UBAP1L: variants seen among roughly 807,000 people sequenced by gnomAD.
UBAP1L encodes ubiquitin-associated protein 1-like.
UBAP1L carries 32 observed loss-of-function variants against 32.1 expected under a neutral mutation model. The observed-to-expected ratio is 1.00, with a 90% CI of 0.75 to 1.34. The LOEUF (loss-of-function observed/expected upper bound fraction) is 1.34. Ranked by LOEUF, UBAP1L falls within the 40% of genes most tolerant of loss-of-function variation. The pLI, the probability that UBAP1L is intolerant of heterozygous loss-of-function variation, is 0.00. For synonymous variants in UBAP1L, 243 were observed against 250.2 expected (o/e 0.97, Z 0.27); for missense variants, 516 against 540.5 (o/e 0.95, Z 0.45).
intron 3 of UBAP1L, chr15:65,100,338 A>G (rs1311295917): frequency 1.3e-5 from 2 of 152,272 alleles, no homozygotes; most frequent in Admixed American, 1.3e-4. Flanking sequence ...AGACATTGAA[A>G]TCAAGGTTCA....
At chr15:65,105,933 G>T in intron 2 of UBAP1L, 163 bp downstream of exon 2, 1 of 954,082 alleles carries the variant, frequency 1.0e-6, no homozygotes, top group Non-Finnish European at 1.6e-6. Context: ...TGGGATTACA[G>T]GCACGCGTCA....
Position 65,115,176 on chromosome 15 carries a change from G to A in UBAP1L, c.-200C>T, listed in dbSNP as rs1345971538. On this transcript the variant is annotated 5_prime_UTR_variant, in exon 1 of 6. Transcript: ENST00000559089. ...TTGTAATTACCAGGAGAACTTCCCT[G>A]CAGACAAAGCGTGTATAAATGAATA... is the stretch of plus-strand genomic sequence containing the variant. 1 of 152,182 alleles carries A rather than the reference G, an allele frequency of 6.6e-6. No individual in the cohort carries two copies. The highest frequency in any genetic ancestry group is 1.5e-5 in the Non-Finnish European group (1 of 68,026). The allele number at this position is 152,182 out of a possible 1,614,324, so 9.4% of individuals were successfully genotyped here.
rs1369289084 is a variant in UBAP1L, at chr15:65,094,182, A to G, written c.1011+293T>C. Among the ~76,000 whole-genome samples the G allele has an allele frequency of 6.6e-6, 1 of 152,178 alleles. No homozygotes were observed. The highest frequency in any genetic ancestry group is 1.5e-5 in the Non-Finnish European group (1 of 68,024). On this transcript the variant is annotated intron_variant, in intron 5 of 5. Transcript: ENST00000559089. The surrounding 1 kb of genome is among the most constrained non-coding windows in gnomAD (Gnocchi z 4.2). ...AGTGTCCGACAAAGAGTGGCCATTC[A>G]GTCACAGAGGCTGTGTTGATTAAGT...
intron 2 of UBAP1L, chr15:65,105,883 T>C (rs890951956): frequency 2.8e-6 from 2 of 717,874 alleles, no homozygotes; most frequent in Admixed American, 4.3e-5. Flanking sequence ...CTCCACCTCC[T>C]GGATTCAAAC....
chr15:65,114,904 T>C (rs984713503), intron 1 of UBAP1L, among the ~76,000 whole-genome samples: 3 of 152,196 alleles, frequency 2.0e-5, no homozygotes, highest in African/African-American at 7.2e-5. Context: ...TGTGGCCAGA[T>C]ACAGGAAGCC....
intron 1 of UBAP1L, among the ~76,000 whole-genome samples, chr15:65,110,384 C>A (rs561007632): frequency 6.1e-5 from 8 of 130,792 alleles, no homozygotes; most frequent in South Asian, 5.0e-4. Flanking sequence ...ACAAAACAAA[C>A]AAAAAAAACT....
At chr15:65,109,827 C>T (rs1028981241) in intron 1 of UBAP1L, among the ~76,000 whole-genome samples, 2 of 152,154 alleles carry the variant, frequency 1.3e-5, no homozygotes, top group South Asian at 4.1e-4. Flanking sequence ...CAATATCAAG[C>T]GATGATGAGG....
At chr15:65,093,542 C>A (rs1190900677) in intron 5 of UBAP1L, among the ~76,000 whole-genome samples, 1 of 152,220 alleles carries the variant, frequency 6.6e-6, no homozygotes, top group Non-Finnish European at 1.5e-5. Context: ...GACCGTACAC[C>A]TGCACCTGGA....
intron 1 of UBAP1L, 101 bp from the exon 2 acceptor site, chr15:65,106,489 C>A: frequency 3.1e-6 from 1 of 320,734 alleles, no homozygotes; most frequent in African/African-American, 2.1e-5. Context: ...TTTTCCAAAA[C>A]ATGGTCCACA....
chr15:65,102,206 G>T lies in UBAP1L; in HGVS notation c.599C>A (p.Pro200Gln). Residue 200 changes from proline to glutamine, a missense_variant, in exon 3 of 6, where the codon CCG becomes CAG. By Grantham distance (76) the Pro-to-Gln change is moderately conservative (BLOSUM62 -1). Transcript: ENST00000559089. The surrounding 1 kb of genome is among the most constrained non-coding windows in gnomAD (Gnocchi z 5.0). Reference sequence around the variant, plus strand: ...GGCGGGGTGCTGGGGCGCGGGCCCCGGGGGTGATGCAGACCTGGGGGACTG... The same window carrying T: ...GGCGGGGTGCTGGGGCGCGGGCCCCTGGGGTGATGCAGACCTGGGGGACTG... ...PAQSPRSASP[P>Q]GPAPQHPAAP... The T allele has an allele frequency of 9.1e-6, 11 of 1,207,210 alleles. No homozygotes were observed. The highest frequency in any genetic ancestry group is 1.1e-5 in the Non-Finnish European group (11 of 972,210). 74.8% of individuals were successfully genotyped at this position (1,207,210 alleles called of 1,614,324 possible).
chr15:65,102,946 A>G lies in UBAP1L; in HGVS notation c.121-262T>C, dbSNP rs1043318713. 6.6e-5 allele frequency among the ~76,000 whole-genome samples: 10 copies of G among 152,282 alleles called. No individual in the cohort carries two copies. The highest frequency in any genetic ancestry group is 2.4e-4 in the African/African-American group (10 of 41,478). ...TTCGTCAGTCGAATGAAATGTAATGAAACCCAACATCTAAATCCCTTTGCC... is the reference window on the plus strand; with the variant it reads ...TTCGTCAGTCGAATGAAATGTAATGGAACCCAACATCTAAATCCCTTTGCC... On this transcript the variant is annotated intron_variant, in intron 2 of 5. Transcript: ENST00000559089. This position sits in a 1 kb window ranked among gnomAD's most constrained non-coding sequence, Gnocchi z 5.0.
At chr15:65,109,350 G>A (rs1325304338) in intron 1 of UBAP1L, among the ~76,000 whole-genome samples, 1 of 150,784 alleles carries the variant, frequency 6.6e-6, no homozygotes, top group Non-Finnish European at 1.5e-5. Context: ...GGGCATAGTG[G>A]TGGGCGCCTG....
intron 1 of UBAP1L, among the ~76,000 whole-genome samples, chr15:65,113,866 A>G (rs542155236): frequency 2.6e-5 from 4 of 152,322 alleles, no homozygotes; most frequent in Non-Finnish European, 4.4e-5. Flanking sequence ...TCTACCTAGC[A>G]CAGTGGCCTT....
chr15:65,093,346 C>A, intron 5 of UBAP1L, 115 bp from the exon 6 acceptor site: 1 of 1,321,506 alleles, frequency 7.6e-7, no homozygotes, highest in Admixed American at 3.1e-5. Context: ...GTGGCTACCC[C>A]CAGGCCACGT....
At chr15:65,099,168 C>A (rs757524724) in intron 4 of UBAP1L, 44 of 284,852 alleles carry the variant, frequency 1.5e-4, no homozygotes, top group South Asian at 2.9e-4. Flanking sequence ...GTTCCATCCA[C>A]ACACCCTTTC....
At chr15:65,110,820 G>A (rs2087364961) in intron 1 of UBAP1L, among the ~76,000 whole-genome samples, 1 of 152,036 alleles carries the variant, frequency 6.6e-6, no homozygotes, top group African/African-American at 2.4e-5. Flanking sequence ...AAACAATCAG[G>A]GATTATCAGG....
At chr15:65,109,058 G>A (rs1254741700) in intron 1 of UBAP1L, among the ~76,000 whole-genome samples, 3 of 150,802 alleles carry the variant, frequency 2.0e-5, no homozygotes, top group African/African-American at 7.3e-5. Context: ...TAGGGAGGCT[G>A]AGGCAGGAGA....
In UBAP1L at chr15:65,106,156, C is replaced by T; in HGVS notation, c.60G>A (p.Glu20=). ...KLPKGFVIGT[E]PLPGPELSVP... ...CGCTGAGTTCTGGCCCAGGGAGAGG[C>T]TCTGTGCCTATCACAAAGCCCTTGG... The change falls in exon 2 of 6, where the codon GAG becomes GAA. Residue 20 remains glutamate (E), a synonymous_variant. Coordinates refer to ENST00000559089, the MANE Select transcript of UBAP1L (RefSeq NM_001163692.2). 2 of 1,550,864 alleles carry T rather than the reference C, an allele frequency of 1.3e-6. No individual in the cohort carries two copies. The highest frequency in any genetic ancestry group is 2.4e-5 in the South Asian group (2 of 83,882).
chr15:65,099,511 C>T lies in UBAP1L; in HGVS notation c.903G>A (p.Leu301=). 1 of 1,550,122 alleles carries T rather than the reference C, an allele frequency of 6.5e-7. No homozygotes were observed. The highest frequency in any genetic ancestry group is 8.7e-7 in the Non-Finnish European group (1 of 1,146,768). ...TCTGGGTCCCCCAACTCACCTGGCTCAGGCTCTGCCTCCCTGTCTTCTGCA... is the reference window on the plus strand; with the variant it reads ...TCTGGGTCCCCCAACTCACCTGGCTTAGGCTCTGCCTCCCTGTCTTCTGCA... ...IALQKTGRQS[L]SQFLSYLSAC... is the part of the protein sequence containing the mutation. The change falls in exon 4 of 6, where the codon CTG becomes CTA. Residue 301 remains leucine, a synonymous_variant. Coordinates refer to ENST00000559089, the MANE Select transcript of UBAP1L (RefSeq NM_001163692.2).
Sources: gnomAD v4.1 joint callset for allele counts (sites outside exome capture counted in the v4.1 genomes callset) on GRCh38, gnomAD v4.1.1 for gene constraint, Gnocchi (gnomAD v3.1) non-coding constraint, MANE v1.5 for transcripts, NCBI Gene and HGNC (gene_info 2026-07-23, HGNC 2026-07-21) for gene names.